Variants in DNAH12 observed in about 807,000 individuals in gnomAD.
DNAH12 encodes the protein axonemal beta dynein heavy chain 12.
A neutral mutation model predicts 371.5 loss-of-function variants in DNAH12; 285 were observed. The ratio of observed to expected loss-of-function variants is 0.77; its 90% CI spans 0.70 to 0.85. The LOEUF is 0.85. DNAH12 is among the 40% of genes least tolerant of loss of function. DNAH12 has a pLI of 0.00. For missense variants in DNAH12, 3,611 were observed against 3,689.4 expected (o/e 0.98, Z 0.55); for synonymous variants, 1,200 against 1,213.0 (o/e 0.99, Z 0.22).
chr3:57,338,361 C>T (rs2062285012), intron 60 of DNAH12, among the ~76,000 whole-genome samples: 1 of 152,278 alleles, frequency 6.6e-6, no homozygotes, highest in East Asian at 1.9e-4. Context: ...CGCCCGGCTG[C>T]CCCGTCTGGG....
intron 25 of DNAH12, among the ~76,000 whole-genome samples, chr3:57,449,229 T>G (rs983824426): frequency 6.6e-6 from 1 of 152,200 alleles, no homozygotes; most frequent in Non-Finnish European, 1.5e-5. Context: ...ATCCCTGAGC[T>G]AGACATAAAG....
rs1443839433 is a variant in DNAH12, at chr3:57,446,548, C to CTAGA, written c.3924_3927dup (p.Ala1310SerfsTer8). On this transcript the variant is annotated frameshift_variant, in exon 26 of 74. Transcript: ENST00000495027. LOFTEE classifies it high-confidence loss of function. ...AGCAATTTAACTACCTTTCCCATTG[C>CTAGA]TAGATAATCTAGCCCATCAGAACAG... 33 of 1,527,086 alleles carry CTAGA rather than the reference C, an allele frequency of 2.2e-5. No individual in the cohort carries two copies. The highest frequency in any genetic ancestry group is 2.8e-5 in the Non-Finnish European group (32 of 1,135,690). The allele number at this position is 1,527,086 out of a possible 1,614,324, so 94.6% of individuals were successfully genotyped here.
rs556960095 is a variant in DNAH12, at chr3:57,433,606, TTTCCATAAGAG to T, written c.4839+28_4839+38del. 1.9e-3 allele frequency: 2,887 copies of T among 1,535,602 alleles called. 3 individuals are homozygous for T. Among genetic ancestry groups the T allele is most frequent in the Non-Finnish European group, 2.4e-3 (2,685 of 1,141,564 alleles). ...TCACGTTTCTTGTTTTAACAGGCACTTTCCATAAGAGAGTTGGGAATACTTATATTTAGGTT... is the reference window on the plus strand; with the variant it reads ...TCACGTTTCTTGTTTTAACAGGCACTAGTTGGGAATACTTATATTTAGGTT... On this transcript the variant is annotated intron_variant, in intron 31 of 73. Transcript: ENST00000495027.
At chr3:57,350,931 T>C (rs1575490129) in intron 60 of DNAH12, among the ~76,000 whole-genome samples, 1 of 152,266 alleles carries the variant, frequency 6.6e-6, no homozygotes, top group East Asian at 1.9e-4. Context: ...CATGATGCAA[T>C]AATATGTATC....
At chr3:57,334,656 TAA>T (rs1426251800) in intron 61 of DNAH12, 47 bp from the exon 62 acceptor site, 3 of 1,516,500 alleles carry the variant, frequency 2.0e-6, no homozygotes, top group Middle Eastern at 1.7e-4. Flanking sequence ...GGGAAAAACT[TAA>T]AAGAGATTGT....
intron 43 of DNAH12, among the ~76,000 whole-genome samples, chr3:57,397,885 A>G (rs948745714): frequency 6.6e-6 from 1 of 152,148 alleles, no homozygotes; most frequent in Non-Finnish European, 1.5e-5. Context: ...CAAAAAGATC[A>G]CAAGGGATGC....
At chr3:57,495,775 AT>A (rs1279108457) in intron 11 of DNAH12, among the ~76,000 whole-genome samples, 21 of 142,790 alleles carry the variant, frequency 1.5e-4, no homozygotes, top group Non-Finnish European at 2.7e-4. Context: ...TATTTTATAT[AT>A]TTTTATATAT....
chr3:57,391,810 T>C (rs2063628937), intron 45 of DNAH12, 62 bp downstream of exon 45: 1 of 152,222 alleles, frequency 6.6e-6, no homozygotes, highest in Non-Finnish European at 1.5e-5. Context: ...GTTTTTCAAA[T>C]ATTTCAGTAA....
At chr3:57,424,951 T>A (rs1484508239) in intron 35 of DNAH12, 71 bp downstream of exon 35, 3 of 639,024 alleles carry the variant, frequency 4.7e-6, no homozygotes, top group African/African-American at 1.8e-5. Context: ...CATGTCTTTC[T>A]CAATATAAAC....
chr3:57,466,659 A>G (rs147834416), intron 17 of DNAH12, among the ~76,000 whole-genome samples: 5 of 152,274 alleles, frequency 3.3e-5, no homozygotes, highest in African/African-American at 1.2e-4. Flanking sequence ...TGCTATAACT[A>G]AACAGTGTGG....
intron 59 of DNAH12, among the ~76,000 whole-genome samples, chr3:57,356,604 TAA>T (rs2062807245): frequency 1.3e-5 from 2 of 152,018 alleles, no homozygotes; most frequent in Admixed American, 6.6e-5. Flanking sequence ...TTGAAATATT[TAA>T]GAGAGAGAAG....
At chr3:57,420,667 T>C (rs1344120483) in intron 36 of DNAH12, among the ~76,000 whole-genome samples, 7 of 151,962 alleles carry the variant, frequency 4.6e-5, no homozygotes, top group Non-Finnish European at 1.0e-4. Flanking sequence ...CCTAGCACTT[T>C]GGGAGGCTGA....
At chr3:57,403,604 G>T in intron 42 of DNAH12, 103 bp from the exon 43 acceptor site, 1 of 1,095,380 alleles carries the variant, frequency 9.1e-7, no homozygotes, top group Non-Finnish European at 1.2e-6. Context: ...TGACTCTGCT[G>T]TCCCATATGT....
chr3:57,429,812 A>T lies in DNAH12; in HGVS notation c.4981-38T>A, dbSNP rs2064901406. 3 of 1,477,212 alleles carry T rather than the reference A, an allele frequency of 2.0e-6. No homozygotes were observed. The African/African-American group carries it at 4.3e-5, about 21-fold the overall frequency. The allele number at this position is 1,477,212 out of a possible 1,614,324, so 91.5% of individuals were successfully genotyped here. A position where few individuals can be genotyped will look rare whatever the true frequency, so the allele number is the denominator to read the frequency against. On this transcript the variant is annotated intron_variant, in intron 32 of 73. Coordinates refer to ENST00000495027, the MANE Select transcript of DNAH12 (RefSeq NM_001366028.2). ...ATTTTTCAAATGTTTATTTTTTAAA[A>T]TTTCAAGTTTCTCAGATAAAAATTT...
At chr3:57,332,143 A>AT (rs544520742) in intron 62 of DNAH12, among the ~76,000 whole-genome samples, 2 of 152,134 alleles carry the variant, frequency 1.3e-5, no homozygotes, top group Non-Finnish European at 1.5e-5. Context: ...GTCATGAATA[A>AT]TTTTTTAACA....
chr3:57,426,960 T>C (rs185017530), intron 34 of DNAH12, among the ~76,000 whole-genome samples: 172 of 152,172 alleles, frequency 1.1e-3, no homozygotes, highest in African/African-American at 4.0e-3. Flanking sequence ...GTTTTAAAAC[T>C]ATAAGGGACT....
At chr3:57,374,226 T>G (rs933175444) in intron 55 of DNAH12, among the ~76,000 whole-genome samples, 14 of 152,188 alleles carry the variant, frequency 9.2e-5, no homozygotes, top group African/African-American at 3.1e-4. Flanking sequence ...ATTCTGGGCT[T>G]CAATTTCCTC....
intron 36 of DNAH12, among the ~76,000 whole-genome samples, chr3:57,421,308 AAATTT>A (rs1355243102): frequency 6.6e-6 from 1 of 152,068 alleles, no homozygotes; most frequent in Admixed American, 6.5e-5. Context: ...ATGGAAAAAT[AAATTT>A]AATTTAAATG....
chr3:57,441,014 C>CA (rs1407197889), intron 29 of DNAH12, among the ~76,000 whole-genome samples: 1 of 151,690 alleles, frequency 6.6e-6, no homozygotes, highest in Non-Finnish European at 1.5e-5. Flanking sequence ...ATAACAGAAC[C>CA]AAAAAAATAA....
Sources: gnomAD v4.1 joint callset for allele counts (sites outside exome capture counted in the v4.1 genomes callset) on GRCh38, gnomAD v4.1.1 for gene constraint, MANE v1.5 for transcripts, NCBI Gene and HGNC (gene_info 2026-07-23, HGNC 2026-07-21) for gene names.